The following CDH1 variants were observed in gnomAD, a reference collection of about 807,000 sequenced individuals.
The protein encoded by CDH1 is cadherin-1.
In CDH1, 35 loss-of-function variants were observed where a neutral mutation model predicts 84.5. The ratio of observed to expected loss-of-function variants is 0.41; its 90% CI spans 0.32 to 0.55. CDH1 has a LOEUF of 0.55. Among genes scored for constraint, CDH1 ranks in the 20% least tolerant of loss-of-function variants. The pLI is 0.19. For synonymous variants in CDH1, 417 were observed against 439.0 expected (o/e 0.95, Z 0.63); for missense variants, 994 against 1,126.6 (o/e 0.88, Z 1.68).
At chr16:68,739,650 T>C (rs1281544197) in intron 2 of CDH1, among the ~76,000 whole-genome samples, 2 of 149,784 alleles carry the variant, frequency 1.3e-5, no homozygotes, top group South Asian at 2.1e-4. Flanking sequence ...GTTTTACTCT[T>C]GTTGCCCAGG....
At chr16:68,739,528 G>A (rs531126468) in intron 2 of CDH1, among the ~76,000 whole-genome samples, 9 of 151,954 alleles carry the variant, frequency 5.9e-5, no homozygotes, top group Non-Finnish European at 1.0e-4. Context: ...GCCTCTCAAA[G>A]TGCTGGGATT....
In CDH1 at chr16:68,815,713, T is replaced by C. The variant is rs1402430481; in HGVS notation, c.1519T>C (p.Ser507Pro). 6.2e-7 allele frequency: 1 copy of C among 1,614,196 alleles called. No individual in the cohort carries two copies. Among genetic ancestry groups the C allele is most frequent in the Admixed American group, 1.7e-5 (1 of 60,022 alleles). The change falls in exon 10 of 16, where the codon TCC becomes CCC. Residue 507 changes from serine (S) to proline (P), a missense_variant. Coordinates refer to ENST00000261769, the MANE Select transcript of CDH1 (RefSeq NM_004360.5). ...EDFGVGQEIT[S>P]YTAQEPDTFM... ...CTTTGGCGTGGGCCAGGAAATCACA[T>C]CCTACACTGCCCAGGAGCCAGACAC...
intron 2 of CDH1, among the ~76,000 whole-genome samples, chr16:68,766,132 G>C (rs4783675): frequency 0.3 from 45,103 of 151,836 alleles, 6,798 homozygotes; most frequent in Middle Eastern, 0.34. Context: ...GGTGGTGCGC[G>C]CCTGTAGTCC....
At chr16:68,824,001 T>C (rs1007685536) in intron 13 of CDH1, among the ~76,000 whole-genome samples, 1 of 146,698 alleles carries the variant, frequency 6.8e-6, no homozygotes, top group Admixed American at 6.7e-5. Flanking sequence ...TCTTTTTTTT[T>C]TTTTTTTTTT....
At chr16:68,817,999 G>A (rs1477020681) in intron 10 of CDH1, among the ~76,000 whole-genome samples, 1 of 152,102 alleles carries the variant, frequency 6.6e-6, no homozygotes, top group East Asian at 1.9e-4. Flanking sequence ...AGTGCTTTGG[G>A]AGGCCGAGAT....
chr16:68,832,258 A>C (rs1961504442), intron 15 of CDH1, among the ~76,000 whole-genome samples: 1 of 152,078 alleles, frequency 6.6e-6, no homozygotes, highest in African/African-American at 2.4e-5. Flanking sequence ...CTATATAACA[A>C]ACCTTCACAT....
In CDH1 at chr16:68,738,002, A is replaced by C. The variant is rs12932357; in HGVS notation, c.49-295A>C. 0.81 allele frequency among the ~76,000 whole-genome samples: 122,465 copies of C among 152,018 alleles called. 50,095 individuals are homozygous for C. The highest frequency in any genetic ancestry group is 0.89 in the Non-Finnish European group (60,206 of 67,968). ...ATTCCCGGTCTAAGGAAAGTGGGGT[A>C]CTGGAGAATAAAGACATCTCCAATA... is the stretch of plus-strand genomic sequence containing the variant. On this transcript the variant is annotated intron_variant, in intron 1 of 15. Coordinates refer to ENST00000261769, the MANE Select transcript of CDH1 (RefSeq NM_004360.5).
chr16:68,816,174 C>T (rs982685473), intron 10 of CDH1, among the ~76,000 whole-genome samples: 4 of 152,134 alleles, frequency 2.6e-5, no homozygotes, highest in East Asian at 1.9e-4. Flanking sequence ...CCTGCCACCA[C>T]GCCCGGCTAA....
rs1048595019 is a variant in CDH1 at position 68,737,384 on chromosome 16, C to G, written c.-32C>G. 1.1e-5 allele frequency: 17 copies of G among 1,526,870 alleles called. No individual in the cohort carries two copies. The Admixed American group carries it at 1.4e-4, about 12-fold the overall frequency. 94.6% of individuals were successfully genotyped at this position (1,526,870 alleles called of 1,614,324 possible). ...CCCGGCCCGACCCGACCGCACCCGG[C>G]GCCTGCCCTCGCTCGGCGTCCCCGG... On this transcript the variant is annotated 5_prime_UTR_variant, in exon 1 of 16. Transcript: ENST00000261769.
chr16:68,806,945 G>A (rs192405908), intron 3 of CDH1, among the ~76,000 whole-genome samples: 54 of 152,316 alleles, frequency 3.5e-4, no homozygotes, highest in African/African-American at 1.3e-3. Context: ...TGTATCTGGT[G>A]CATCTTCAAT....
At chr16:68,782,450 C>G (rs1024832025) in intron 2 of CDH1, among the ~76,000 whole-genome samples, 1 of 152,216 alleles carries the variant, frequency 6.6e-6, no homozygotes, top group Non-Finnish European at 1.5e-5. Flanking sequence ...CAGGTGGGGG[C>G]CACTCTGTAG....
At chr16:68,770,627 C>A (rs903922876) in intron 2 of CDH1, among the ~76,000 whole-genome samples, 13 of 151,678 alleles carry the variant, frequency 8.6e-5, no homozygotes, top group South Asian at 2.1e-4. Flanking sequence ...TGGTGCAGGG[C>A]CCCTTTAGCT....
intron 2 of CDH1, among the ~76,000 whole-genome samples, chr16:68,800,540 C>T (rs1393262082): frequency 6.6e-6 from 1 of 152,192 alleles, no homozygotes; most frequent in East Asian, 1.9e-4. Flanking sequence ...CCTGTCTAGC[C>T]TTGTAAGATA....
chr16:68,762,383 C>T (rs982057690), intron 2 of CDH1, among the ~76,000 whole-genome samples: 1 of 152,146 alleles, frequency 6.6e-6, no homozygotes, highest in African/African-American at 2.4e-5. Flanking sequence ...ATTCGCAGCC[C>T]CCAGCATTAA....
intron 2 of CDH1, among the ~76,000 whole-genome samples, chr16:68,791,444 A>G (rs77763492): frequency 0.021 from 3,155 of 151,836 alleles, 117 homozygotes; most frequent in African/African-American, 0.071. Context: ...CTTTTTGGAG[A>G]TAGCATCTCA....
intron 6 of CDH1, among the ~76,000 whole-genome samples, chr16:68,811,066 C>A (rs141654805): frequency 3.1e-4 from 47 of 151,984 alleles, no homozygotes; most frequent in African/African-American, 1.1e-3. Context: ...CCTAAACAAT[C>A]CCCCTTGGTC....
intron 2 of CDH1, among the ~76,000 whole-genome samples, chr16:68,755,995 CT>C (rs1963008888): frequency 6.6e-6 from 1 of 151,968 alleles, no homozygotes; most frequent in Non-Finnish European, 1.5e-5. Flanking sequence ...AACTCCTGAC[CT>C]TAGGTGATAA....
In CDH1 at chr16:68,737,303, A is replaced by G. The variant is rs1015488305; in HGVS notation, c.-113A>G. On this transcript the variant is annotated 5_prime_UTR_variant, in exon 1 of 16. Transcript: ENST00000261769. ...ACGCACCCCCTCTCAGTGGCGTCGG[A>G]ACTGCAAAGCACCTGTGAGCTTGCG... is the stretch of plus-strand genomic sequence containing the variant. 1 of 841,640 alleles carries G rather than the reference A, an allele frequency of 1.2e-6. No homozygotes were observed. Among genetic ancestry groups the G allele is most frequent in the Middle Eastern group, 3.5e-4 (1 of 2,866 alleles). The allele number at this position is 841,640 out of a possible 1,614,324, so 52.1% of individuals were successfully genotyped here. A position where few individuals can be genotyped will look rare whatever the true frequency, so the allele number is the denominator to read the frequency against.
At chr16:68,768,365 A>G (rs1361220280) in intron 2 of CDH1, among the ~76,000 whole-genome samples, 1 of 152,218 alleles carries the variant, frequency 6.6e-6, no homozygotes, top group Non-Finnish European at 1.5e-5. Context: ...AAAGAGGAAA[A>G]CAAGATCAGT....
Sources: gnomAD v4.1 joint callset for allele counts (sites outside exome capture counted in the v4.1 genomes callset) on GRCh38, gnomAD v4.1.1 for gene constraint, MANE v1.5 for transcripts, NCBI Gene and HGNC (gene_info 2026-07-23, HGNC 2026-07-21) for gene names.